SEMA4D: variants seen among roughly 807,000 people sequenced by gnomAD.
SEMA4D encodes the protein semaphorin-4D.
A neutral mutation model predicts 74.8 loss-of-function variants in SEMA4D; 22 were observed. The observed-to-expected ratio is 0.29, with a 90% CI of 0.21 to 0.42. The LOEUF (loss-of-function observed/expected upper bound fraction) is 0.42, where lower values mean the gene tolerates loss of function less well. Among genes scored for constraint, SEMA4D ranks in the 10% least tolerant of loss-of-function variants. SEMA4D has a pLI of 1.00. For missense variants in SEMA4D, 937 were observed against 1,118.4 expected (o/e 0.84, Z 2.31); for synonymous variants, 445 against 463.7 (o/e 0.96, Z 0.52).
intron 1 of SEMA4D, among the ~76,000 whole-genome samples, chr9:89,474,453 C>T: frequency 6.6e-6 from 1 of 152,184 alleles, no homozygotes; most frequent in Non-Finnish European, 1.5e-5. Context: ...CCTTTGTATA[C>T]ACAGATGAAA....
intron 1 of SEMA4D, chr9:89,472,329 C>A: frequency 2.3e-6 from 1 of 433,440 alleles, no homozygotes; most frequent in Non-Finnish European, 4.5e-6. Flanking sequence ...GAGGAGATGG[C>A]AAAGTTAGCT....
At chr9:89,439,789 T>C (rs1451043195) in intron 2 of SEMA4D, among the ~76,000 whole-genome samples, 1 of 152,200 alleles carries the variant, frequency 6.6e-6, no homozygotes, top group African/African-American at 2.4e-5. Flanking sequence ...AAAGCCTATT[T>C]ACAGGTTATT....
chr9:89,381,253 G>A lies in SEMA4D; in HGVS notation c.1540C>T (p.Leu514=). The change falls in exon 14 of 16, where the codon CTG becomes TTG. Residue 514 remains leucine (L), a synonymous_variant. Coordinates refer to ENST00000422704, the MANE Select transcript of SEMA4D (RefSeq NM_001371194.2). The surrounding 1 kb of genome is among the most constrained non-coding windows in gnomAD (Gnocchi z 4.6). Reference sequence around the variant, plus strand: ...CAGGCGCAGTAGGGGTCCCGCGCCAGCACACAGTCCTCGCAGGTGCCGTGC... The same window carrying A: ...CAGGCGCAGTAGGGGTCCCGCGCCAACACACAGTCCTCGCAGGTGCCGTGC... ...GKHGTCEDCV[L]ARDPYCAWSP... is the part of the protein sequence containing the mutation. 6.2e-7 allele frequency: 1 copy of A among 1,603,224 alleles called. No individual in the cohort carries two copies. The highest frequency in any genetic ancestry group is 8.5e-7 in the Non-Finnish European group (1 of 1,172,460).
At chr9:89,394,960 C>T (rs1840619791) in intron 6 of SEMA4D, among the ~76,000 whole-genome samples, 1 of 152,078 alleles carries the variant, frequency 6.6e-6, no homozygotes, top group African/African-American at 2.4e-5. Context: ...TTGGGAGTCA[C>T]GGGTCATAGT....
chr9:89,361,463 G>A (rs1288030554), exon 19 of SEMA4D: 2 of 152,204 alleles, frequency 1.3e-5, no homozygotes, highest in African/African-American at 4.8e-5. Flanking sequence ...CAACAGACAA[G>A]AAGAGACGTG....
At chr9:89,420,826 T>A (rs1486689202) in intron 2 of SEMA4D, among the ~76,000 whole-genome samples, 1 of 152,214 alleles carries the variant, frequency 6.6e-6, no homozygotes, top group Non-Finnish European at 1.5e-5. Flanking sequence ...ATCCAAAAAG[T>A]GGGCATACTA....
At chr9:89,464,828 T>TG (rs1564888845) in intron 1 of SEMA4D, among the ~76,000 whole-genome samples, 3 of 151,700 alleles carry the variant, frequency 2.0e-5, no homozygotes, top group Non-Finnish European at 2.9e-5. Context: ...CCACGGGGTG[T>TG]GGGGGGAGGG....
At chr9:89,495,142 C>T (rs1017786352) in intron 1 of SEMA4D, among the ~76,000 whole-genome samples, 1 of 152,134 alleles carries the variant, frequency 6.6e-6, no homozygotes, top group Admixed American at 6.5e-5. Flanking sequence ...CTGCCTGCCC[C>T]CCACTGAGGT....
At chr9:89,469,436 C>T (rs1473041126) in intron 1 of SEMA4D, among the ~76,000 whole-genome samples, 2 of 152,130 alleles carry the variant, frequency 1.3e-5, no homozygotes, top group Non-Finnish European at 2.9e-5. Context: ...ATGAGGCTAG[C>T]ACTACCCTGA....
At chr9:89,429,821 G>T (rs1564751989) in intron 2 of SEMA4D, among the ~76,000 whole-genome samples, 4 of 152,182 alleles carry the variant, frequency 2.6e-5, no homozygotes, top group Admixed American at 1.3e-4. Flanking sequence ...GCACAAGAAA[G>T]AAATTACGCG....
At chr9:89,428,896 C>G (rs529420670) in intron 2 of SEMA4D, among the ~76,000 whole-genome samples, 29 of 152,354 alleles carry the variant, frequency 1.9e-4, no homozygotes, top group African/African-American at 7.0e-4. Context: ...GGCTCTGCCC[C>G]CTGGGTCCCT....
chr9:89,407,157 C>G (rs914088278), intron 2 of SEMA4D, among the ~76,000 whole-genome samples: 1 of 152,164 alleles, frequency 6.6e-6, no homozygotes, highest in South Asian at 2.1e-4. Flanking sequence ...AACAAAATTC[C>G]GAGGTTACTT....
At chr9:89,426,008 C>T (rs560068710) in intron 2 of SEMA4D, among the ~76,000 whole-genome samples, 6 of 152,390 alleles carry the variant, frequency 3.9e-5, no homozygotes, top group Admixed American at 2.0e-4. Context: ...CATCCAGAAC[C>T]CTGAACTGGT....
intron 13 of SEMA4D, among the ~76,000 whole-genome samples, chr9:89,382,468 C>T (rs1219395116): frequency 1.3e-5 from 2 of 152,180 alleles, no homozygotes; most frequent in South Asian, 4.1e-4. Context: ...ACAGGAAGCC[C>T]CAGGCCACAC....
intron 2 of SEMA4D, among the ~76,000 whole-genome samples, chr9:89,417,477 G>A (rs1283995554): frequency 6.6e-6 from 1 of 152,192 alleles, no homozygotes; most frequent in African/African-American, 2.4e-5. Flanking sequence ...AACCTTGTGG[G>A]GGCTCATTCA....
chr9:89,463,592 C>T (rs1258812032), intron 1 of SEMA4D, among the ~76,000 whole-genome samples: 4 of 152,186 alleles, frequency 2.6e-5, no homozygotes, highest in Non-Finnish European at 5.9e-5. Flanking sequence ...TAGCGTCAAC[C>T]AGTCTCCAAA....
At chr9:89,373,965 CCT>C (rs1029606987), downstream of SEMA4D, among the ~76,000 whole-genome samples, 3 of 152,212 alleles carry the variant, frequency 2.0e-5, no homozygotes, top group African/African-American at 7.2e-5. Context: ...AGCCACAGCC[CCT>C]CTGAGTTCAC....
chr9:89,463,519 C>T (rs111281079), intron 1 of SEMA4D, among the ~76,000 whole-genome samples: 2,426 of 152,280 alleles, frequency 0.016, 33 homozygotes, highest in South Asian at 0.06. Context: ...CAGGTCATGA[C>T]CAGCCCTTTT....
intron 1 of SEMA4D, among the ~76,000 whole-genome samples, chr9:89,478,532 T>C (rs7850772): frequency 0.19 from 28,702 of 152,166 alleles, 2,912 homozygotes; most frequent in Admixed American, 0.27. Flanking sequence ...TGGTACTTTT[T>C]ATGGCAGCTA....
Sources: gnomAD v4.1 joint callset for allele counts (sites outside exome capture counted in the v4.1 genomes callset) on GRCh38, gnomAD v4.1.1 for gene constraint, Gnocchi (gnomAD v3.1) non-coding constraint, MANE v1.5 for transcripts, NCBI Gene and HGNC (gene_info 2026-07-23, HGNC 2026-07-21) for gene names.